Variants in CABLES2 observed in about 807,000 individuals in gnomAD.
CABLES2 encodes the protein CDK5 and ABL1 enzyme substrate 2.
CABLES2 carries 35 observed loss-of-function variants against 44.8 expected under a neutral mutation model. The observed-to-expected ratio is 0.78, with a 90% CI of 0.60 to 1.04. CABLES2 has a LOEUF of 1.04. Ranked by LOEUF, CABLES2 falls within the 50% of genes least tolerant of loss-of-function variation. CABLES2 has a pLI of 0.00. For synonymous variants in CABLES2, 282 were observed against 281.1 expected (o/e 1.00, Z -0.03); for missense variants, 566 against 615.7 (o/e 0.92, Z 0.85).
chr20:62,391,055 T>C lies in CABLES2; in HGVS notation c.1353A>G (p.Thr451=), dbSNP rs2146417085. The change falls in exon 10 of 10, where the codon ACA becomes ACG. Residue 451 remains threonine, a synonymous_variant. Coordinates refer to ENST00000279101, the MANE Select transcript of CABLES2 (RefSeq NM_031215.3). This position sits in a 1 kb window ranked among gnomAD's most constrained non-coding sequence, Gnocchi z 5.7. ...NRRDLIGFEF[T]VLVALELALY... is the part of the protein sequence containing the mutation. ...GGGCCAGCTCCAAGGCCACGAGCACTGTGAACTCAAACCCTATCAGGTCGC... is the reference window on the plus strand; with the variant it reads ...GGGCCAGCTCCAAGGCCACGAGCACCGTGAACTCAAACCCTATCAGGTCGC... 12 of 1,614,146 alleles carry C rather than the reference T, an allele frequency of 7.4e-6. No homozygotes were observed. Among genetic ancestry groups the C allele is most frequent in the Non-Finnish European group, 1.0e-5 (12 of 1,180,042 alleles).
At chr20:62,400,042 T>C (rs757877754) in intron 1 of CABLES2, among the ~76,000 whole-genome samples, 5 of 152,168 alleles carry the variant, frequency 3.3e-5, no homozygotes, top group Non-Finnish European at 7.3e-5. Flanking sequence ...AAGAGCTTGT[T>C]GAAAACAAGC....
At position 62,394,236 on chromosome 20, in the gene CABLES2, C is replaced by T; in HGVS notation, c.635G>A (p.Arg212Lys). 3 of 1,613,542 alleles carry T rather than the reference C, an allele frequency of 1.9e-6. No individual in the cohort carries two copies. The highest frequency in any genetic ancestry group is 1.1e-5 in the South Asian group (1 of 91,084). The change falls in exon 5 of 10, where the codon AGG becomes AAG. Residue 212 changes from arginine (R) to lysine (K), a missense_variant. This residue lies in a region of CABLES2 where 436 missense variants were observed against 536.3 expected (regional missense o/e 0.81). Coordinates refer to ENST00000279101, the MANE Select transcript of CABLES2 (RefSeq NM_031215.3). ...SDLRVDSQKQ[R>K]HPSGGVSVSS... ...CACAGAGACGCCGCCGGACGGGTGC[C>T]TCTGCTTCTGGCTGTCCACCCTCAG...
rs866007461 is a variant in CABLES2, at chr20:62,398,365, G to A, written c.363-1773C>T. Among the ~76,000 whole-genome samples, 14 of 151,854 alleles carry A rather than the reference G, an allele frequency of 9.2e-5. No homozygotes were observed. In the Middle Eastern group the frequency reaches 0.01, roughly 111 times the overall value. ...TGATGGTGATGACGGTGGTGATGGC[G>A]GTGGTGGTAATGGTGATGGGGCCCT... On this transcript the variant is annotated intron_variant, in intron 1 of 9. Coordinates refer to ENST00000279101, the MANE Select transcript of CABLES2 (RefSeq NM_031215.3).
At chr20:62,399,935 CTGAAAG>C (rs1320783294) in intron 1 of CABLES2, among the ~76,000 whole-genome samples, 1 of 152,098 alleles carries the variant, frequency 6.6e-6, no homozygotes, top group Non-Finnish European at 1.5e-5. Context: ...GGATACTGTA[CTGAAAG>C]TGAAAAAGAA....
At chr20:62,402,199 C>T (rs1157811171) in intron 1 of CABLES2, 4 of 152,254 alleles carry the variant, frequency 2.6e-5, no homozygotes, top group Non-Finnish European at 5.9e-5. Flanking sequence ...TGGCGGGCCA[C>T]CAAGCCTCCA....
Position 62,398,068 on chromosome 20 carries a change from TGAC to T in CABLES2, c.363-1479_363-1477del, listed in dbSNP as rs1227763754. On this transcript the variant is annotated intron_variant, in intron 1 of 9. Transcript: ENST00000279101. ...ATGGTGGTGATGGCGATGGTGGTGG[TGAC>T]GGTGGTGGTGGTGGTGACGGTGGTG... Among the ~76,000 whole-genome samples, 77 of 50,864 alleles carry T rather than the reference TGAC, an allele frequency of 1.5e-3. 1 individual carries two copies. The highest frequency in any genetic ancestry group is 0.014 in the East Asian group (10 of 732). The allele number at this position is 50,864 out of a possible 152,430, so 33.4% of individuals were successfully genotyped here.
chr20:62,396,664 G>A lies in CABLES2; in HGVS notation c.363-72C>T. 1.4e-6 allele frequency: 2 copies of A among 1,476,728 alleles called. No homozygotes were observed. Among genetic ancestry groups the A allele is most frequent in the Non-Finnish European group, 9.3e-7 (1 of 1,079,278 alleles). The allele number at this position is 1,476,728 out of a possible 1,614,324, so 91.5% of individuals were successfully genotyped here. A position where few individuals can be genotyped will look rare whatever the true frequency, so the allele number is the denominator to read the frequency against. ...CCGCCTTTGTGGCCAGAAACCGAGT[G>A]CCGCCCGCTGTGCAGGGAAGGGCCA... is the stretch of plus-strand genomic sequence containing the variant. On this transcript the variant is annotated intron_variant, in intron 1 of 9. Coordinates refer to ENST00000279101, the MANE Select transcript of CABLES2 (RefSeq NM_031215.3). This position sits in a 1 kb window ranked among gnomAD's most constrained non-coding sequence, Gnocchi z 5.7.
In CABLES2 at chr20:62,391,680, T is replaced by C. The variant is rs1280378932; in HGVS notation, c.1092-227A>G. ...GTTTTGGCTTCCCCCGTCCCGTGGG[T>C]GGGCACCCATGGCAGCTCCCACCTG... is the stretch of plus-strand genomic sequence containing the variant. On this transcript the variant is annotated intron_variant, in intron 8 of 9. Coordinates refer to ENST00000279101, the MANE Select transcript of CABLES2 (RefSeq NM_031215.3). This position sits in a 1 kb window ranked among gnomAD's most constrained non-coding sequence, Gnocchi z 5.7. Among the ~76,000 whole-genome samples the C allele has an allele frequency of 1.3e-5, 2 of 150,802 alleles. No individual in the cohort carries two copies. Among genetic ancestry groups the C allele is most frequent in the African/African-American group, 4.9e-5 (2 of 40,852 alleles).
intron 5 of CABLES2, 32 bp downstream of exon 5, chr20:62,394,125 C>T (rs762104648): frequency 1.4e-5 from 22 of 1,574,034 alleles, no homozygotes; most frequent in Admixed American, 3.3e-5. Context: ...GCCCTGACGG[C>T]GCTGGGTGTC....
At chr20:62,394,087 C>G (rs949470761) in intron 5 of CABLES2, 70 bp downstream of exon 5, 1 of 1,191,980 alleles carries the variant, frequency 8.4e-7, no homozygotes, top group East Asian at 2.3e-5. Context: ...TGGGCACTGA[C>G]GTGGGACTGC....
intron 8 of CABLES2, among the ~76,000 whole-genome samples, chr20:62,392,180 G>A (rs192554577): frequency 9.6e-4 from 146 of 151,412 alleles, no homozygotes; most frequent in African/African-American, 3.4e-3. Context: ...TGTGTGGGGG[G>A]ATGCAGTGTG....
intron 4 of CABLES2, 43 bp downstream of exon 4, chr20:62,394,894 G>A: frequency 6.3e-7 from 1 of 1,578,140 alleles, no homozygotes; most frequent in Non-Finnish European, 8.7e-7. Flanking sequence ...CTTGCCTTCT[G>A]CCTAGATGGA....
intron 1 of CABLES2, among the ~76,000 whole-genome samples, chr20:62,397,897 T>C (rs1230739483): frequency 6.0e-5 from 9 of 149,196 alleles, no homozygotes; most frequent in African/African-American, 2.2e-4. Flanking sequence ...GTGATGGCGG[T>C]GGTGGTGATG....
intron 1 of CABLES2, chr20:62,402,267 T>A (rs6121571): frequency 6.6e-6 from 1 of 152,108 alleles, no homozygotes; most frequent in African/African-American, 2.4e-5. Flanking sequence ...ACACTGTTTC[T>A]AGTGTTCGGT....
At chr20:62,402,299 G>A (rs367968772) in intron 1 of CABLES2, 7 of 152,224 alleles carry the variant, frequency 4.6e-5, no homozygotes, top group Middle Eastern at 3.2e-3. Flanking sequence ...CCTTTGTAAC[G>A]GAAGAAATGC....
intron 5 of CABLES2, 150 bp downstream of exon 5, chr20:62,394,007 C>T: frequency 3.0e-6 from 2 of 677,942 alleles, no homozygotes; most frequent in Non-Finnish European, 5.2e-6. Context: ...GTTCTCAGGG[C>T]TGCACGGGCC....
intron 3 of CABLES2, among the ~76,000 whole-genome samples, chr20:62,395,733 C>T (rs1388186720): frequency 6.6e-6 from 1 of 152,214 alleles, no homozygotes; most frequent in East Asian, 1.9e-4. Flanking sequence ...AGGGTCCATC[C>T]AGACCCACAG....
rs377753672 is a variant in CABLES2, at chr20:62,392,945, C to T, written c.959G>A (p.Arg320His). The change falls in exon 7 of 10, where the codon CGT becomes CAT. Residue 320 changes from arginine (R) to histidine (H), a missense_variant. Coordinates refer to ENST00000279101, the MANE Select transcript of CABLES2 (RefSeq NM_031215.3). ...DPQWPCGKHK[R>H]VLIFASYMTT... Reference sequence around the variant, plus strand: ...CATGTACGACGCAAAGATGAGGACACGTTTGTGCTTGCCGCAGGGCCACTG... The same window carrying T: ...CATGTACGACGCAAAGATGAGGACATGTTTGTGCTTGCCGCAGGGCCACTG... 18 of 1,614,038 alleles carry T rather than the reference C, an allele frequency of 1.1e-5. No individual in the cohort carries two copies. Among genetic ancestry groups the T allele is most frequent in the Admixed American group, 3.3e-5 (2 of 60,034 alleles).
rs762212350 is a variant in CABLES2, at chr20:62,396,540, C to G, written c.415G>C (p.Gly139Arg). The G allele has an allele frequency of 3.7e-6, 6 of 1,613,750 alleles. No homozygotes were observed. In the Admixed American group the frequency reaches 1.0e-4, roughly 27 times the overall value. ...CSLEFLEDAV[G>R]CAPAQRTKHT... Reference sequence around the variant, plus strand: ...GTGTACCTCTGTGCTGGAGCGCATCCCACGGCATCTTCCAGAAACTCCAGG... The same window carrying G: ...GTGTACCTCTGTGCTGGAGCGCATCGCACGGCATCTTCCAGAAACTCCAGG... Residue 139 changes from glycine to arginine, a missense_variant, in exon 2 of 10, where the codon GGA becomes CGA. Around this residue, in one of 2 missense-constraint regions of CABLES2, gnomAD observed 436 missense variants for 536.3 expected, o/e 0.81. Coordinates refer to ENST00000279101, the MANE Select transcript of CABLES2 (RefSeq NM_031215.3). The surrounding 1 kb of genome is among the most constrained non-coding windows in gnomAD (Gnocchi z 5.7).
Sources: gnomAD v4.1 joint callset for allele counts (sites outside exome capture counted in the v4.1 genomes callset) on GRCh38, gnomAD v4.1.1 for gene constraint, gnomAD v4.1.1 regional missense constraint, Gnocchi (gnomAD v3.1) non-coding constraint, MANE v1.5 for transcripts, NCBI Gene and HGNC (gene_info 2026-07-23, HGNC 2026-07-21) for gene names.